The following PRCP variants were observed in gnomAD, a reference collection of about 807,000 sequenced individuals.
PRCP encodes prolylcarboxypeptidase.
PRCP carries 46 observed loss-of-function variants against 54.2 expected under a neutral mutation model. The observed-to-expected ratio is 0.85, with a 90% confidence interval of 0.67 to 1.09. The LOEUF is 1.09. Ranked by LOEUF, PRCP falls within the 50% of genes least tolerant of loss-of-function variation. PRCP has a pLI of 0.00. For missense variants in PRCP, 613 were observed against 596.8 expected, an observed-to-expected ratio of 1.03 and a Z score of -0.28; for synonymous variants, 240 against 212.2, an observed-to-expected ratio of 1.13 and a Z score of -1.14.
intron 6 of PRCP, among the ~76,000 whole-genome samples, chr11:82,846,420 C>T (rs1002225356): frequency 1.3e-5 from 2 of 151,798 alleles, no homozygotes; most frequent in African/African-American, 4.8e-5. Flanking sequence ...GAAACAGAGG[C>T]AATGGAATTT....
chr11:82,885,746 G>T (rs1417436766), intron 1 of PRCP, among the ~76,000 whole-genome samples: 3 of 152,178 alleles, frequency 2.0e-5, no homozygotes, highest in East Asian at 3.8e-4. Flanking sequence ...ATACATGGCA[G>T]TGACCAGTCC....
chr11:82,898,985 T>A (rs562326366), intron 1 of PRCP, among the ~76,000 whole-genome samples: 196 of 130,280 alleles, frequency 1.5e-3, no homozygotes, highest in African/African-American at 5.5e-3. Flanking sequence ...TCTCTATTTT[T>A]AAAAATAAAA....
upstream of PRCP, chr11:82,901,457 A>C (rs1591082089): frequency 6.4e-6 from 1 of 155,690 alleles, no homozygotes. Flanking sequence ...TCTTTCAGTC[A>C]CCCCGCCAGA....
At chr11:82,899,348 ACT>A (rs1860198168) in intron 1 of PRCP, among the ~76,000 whole-genome samples, 1 of 152,232 alleles carries the variant, frequency 6.6e-6, no homozygotes, top group South Asian at 2.1e-4. Context: ...TCACAGAAGT[ACT>A]GTAACCTGCC....
chr11:82,850,341 A>T lies in PRCP; in HGVS notation c.576T>A (p.Tyr192Ter). Reference sequence around the variant, plus strand: ...GCACTTACCCAACTACCATATGAGGATATTTCATCCTAAACCAGGCGGCAA... The same window carrying T: ...GCACTTACCCAACTACCATATGAGGTTATTTCATCCTAAACCAGGCGGCAA... ...GMLAAWFRMK[Y>*]PHMVVGALAA... The change falls in exon 4 of 9, where the codon TAT becomes TAA. Residue 192 changes from tyrosine to a stop codon, truncating the protein, a stop_gained. Transcript: ENST00000313010. LOFTEE classifies it high-confidence loss of function. 1 of 1,576,522 alleles carries T rather than the reference A, an allele frequency of 6.3e-7. No homozygotes were observed. The highest frequency in any genetic ancestry group is 8.6e-7 in the Non-Finnish European group (1 of 1,160,032).
At chr11:82,859,872 A>G in intron 2 of PRCP, 105 bp downstream of exon 2, 1 of 1,143,472 alleles carries the variant, frequency 8.7e-7, no homozygotes, top group Middle Eastern at 2.7e-4. Flanking sequence ...AGAACTTTAC[A>G]ATTAAGAACA....
At chr11:82,859,888 G>T in intron 2 of PRCP, 89 bp downstream of exon 2, 1 of 1,279,300 alleles carries the variant, frequency 7.8e-7, no homozygotes, top group Non-Finnish European at 1.1e-6. Context: ...GAACAGCAAT[G>T]TTTGGTCATA....
Position 82,890,374 on chromosome 11 carries a change from C to A in PRCP, c.168+9861G>T, listed in dbSNP as rs528198780. 1.2e-4 allele frequency among the ~76,000 whole-genome samples: 19 copies of A among 152,280 alleles called. No individual in the cohort carries two copies. The South Asian group carries it at 3.7e-3, about 30-fold the overall frequency. On this transcript the variant is annotated intron_variant, in intron 1 of 8. Transcript: ENST00000313010. ...TTCTCACTACCATACCACCTTCTTA[C>A]CTTCATCTGTGCCTATATGATGTGC...
At chr11:82,887,357 C>T (rs1004524098) in intron 1 of PRCP, among the ~76,000 whole-genome samples, 2 of 152,312 alleles carry the variant, frequency 1.3e-5, no homozygotes, top group East Asian at 3.9e-4. Flanking sequence ...TAGCTATTAA[C>T]TCGGAGTATG....
chr11:82,838,688 C>T, intron 7 of PRCP, 114 bp from the exon 8 acceptor site: 1 of 1,003,932 alleles, frequency 1.0e-6, no homozygotes, highest in Non-Finnish European at 1.4e-6. Context: ...TGAACTCAGG[C>T]AAGGCAGCTT....
At chr11:82,863,558 C>T (rs140607513) in intron 1 of PRCP, among the ~76,000 whole-genome samples, 1 of 152,322 alleles carries the variant, frequency 6.6e-6, no homozygotes, top group African/African-American at 2.4e-5. Flanking sequence ...ATTTTCACCT[C>T]ACCCACTGAC....
At chr11:82,884,612 C>T (rs1417626319) in intron 1 of PRCP, among the ~76,000 whole-genome samples, 1 of 152,164 alleles carries the variant, frequency 6.6e-6, no homozygotes, top group Non-Finnish European at 1.5e-5. Flanking sequence ...TACTTTTGCA[C>T]TAATAAAATT....
chr11:82,831,059 A>T (rs1858370734), intron 8 of PRCP: 1 of 151,398 alleles, frequency 6.6e-6, no homozygotes, highest in Non-Finnish European at 1.5e-5. Flanking sequence ...AAAAAAAAAA[A>T]AAAAAAAAAA....
intron 3 of PRCP, 39 bp downstream of exon 3, chr11:82,853,138 A>T: frequency 6.8e-7 from 1 of 1,461,794 alleles, no homozygotes; most frequent in Non-Finnish European, 9.4e-7. Context: ...TAAATTGAAA[A>T]GAAAAAGCTT....
intron 1 of PRCP, among the ~76,000 whole-genome samples, chr11:82,883,992 T>G (rs1407926782): frequency 6.6e-6 from 1 of 152,222 alleles, no homozygotes; most frequent in Non-Finnish European, 1.5e-5. Context: ...AATTGTTGTA[T>G]GAGCTGCTCC....
At chr11:82,825,286 T>C (rs993525483) in intron 8 of PRCP, 164 bp from the exon 9 acceptor site, 1 of 659,562 alleles carries the variant, frequency 1.5e-6, no homozygotes, top group Non-Finnish European at 2.5e-6. Context: ...AGATACTTCA[T>C]ACTGGAGTTT....
intron 1 of PRCP, among the ~76,000 whole-genome samples, chr11:82,867,282 C>A (rs1859360966): frequency 6.6e-6 from 1 of 152,158 alleles, no homozygotes; most frequent in African/African-American, 2.4e-5. Flanking sequence ...AAAAATTCTG[C>A]AGTGCTTAAT....
chr11:82,890,740 G>A (rs981330449), intron 1 of PRCP, among the ~76,000 whole-genome samples: 2 of 152,192 alleles, frequency 1.3e-5, no homozygotes, highest in African/African-American at 4.8e-5. Context: ...TGAGGAAATT[G>A]CTGTCAAGGT....
intron 1 of PRCP, among the ~76,000 whole-genome samples, chr11:82,870,875 A>C (rs1225359763): frequency 6.6e-6 from 1 of 152,206 alleles, no homozygotes; most frequent in Admixed American, 6.5e-5. Flanking sequence ...TCCTATCTTC[A>C]TGCAGCCTGA....
Sources: gnomAD v4.1 joint callset for allele counts (sites outside exome capture counted in the v4.1 genomes callset) on GRCh38, gnomAD v4.1.1 for gene constraint, MANE v1.5 for transcripts, NCBI Gene and HGNC (gene_info 2026-07-23, HGNC 2026-07-21) for gene names.